NSMCE4A: variants seen among roughly 807,000 people sequenced by gnomAD.
NSMCE4A encodes the protein non-structural maintenance of chromosomes element 4 homolog A.
A neutral mutation model predicts 47.9 loss-of-function variants in NSMCE4A; 40 were observed. That is an observed-to-expected ratio of 0.83 (90% CI 0.65 to 1.09). The LOEUF is 1.09. NSMCE4A is among the 50% of genes least tolerant of loss of function. NSMCE4A has a pLI of 0.00. For synonymous variants in NSMCE4A, 166 were observed against 178.5 expected (o/e 0.93, Z 0.56); for missense variants, 500 against 507.0 (o/e 0.99, Z 0.13).
rs776510617 is a variant in NSMCE4A at position 121,967,701 on chromosome 10, T to G, written c.607A>C (p.Arg203=). 6 of 1,613,910 alleles carry G rather than the reference T, an allele frequency of 3.7e-6. No individual in the cohort carries two copies. Among genetic ancestry groups the G allele is most frequent in the African/African-American group, 1.3e-5 (1 of 74,946 alleles). Residue 203 remains arginine, a synonymous_variant, in exon 4 of 11, where the codon AGA becomes CGA. Coordinates refer to ENST00000369023, the MANE Select transcript of NSMCE4A (RefSeq NM_017615.3). ...TTATTAAAGGTGTTTTCTGCTGTTCTGCCTGTTATCTTCCAGGAGTCATAG... is the reference window on the plus strand; with the variant it reads ...TTATTAAAGGTGTTTTCTGCTGTTCGGCCTGTTATCTTCCAGGAGTCATAG... ...IVYDSWKITG[R]TAENTFNKTH... is the part of the protein sequence containing the mutation.
At position 121,960,480 on chromosome 10, in the gene NSMCE4A, T is replaced by C; in HGVS notation, c.940-74A>G. On this transcript the variant is annotated intron_variant, in intron 7 of 10. Transcript: ENST00000369023. The surrounding 1 kb of genome is among the most constrained non-coding windows in gnomAD (Gnocchi z 4.2). ...ACCTATACGCACTAGATGGAAAAAA[T>C]TACTCAGAAAATTCAGTATCTCAGA... 9.2e-7 allele frequency: 1 copy of C among 1,092,792 alleles called. No individual in the cohort carries two copies. The highest frequency in any genetic ancestry group is 1.3e-6 in the Non-Finnish European group (1 of 775,304). The allele number at this position is 1,092,792 out of a possible 1,614,324, so 67.7% of individuals were successfully genotyped here. A position where few individuals can be genotyped will look rare whatever the true frequency, so the allele number is the denominator to read the frequency against.
intron 6 of NSMCE4A, chr10:121,961,866 G>A (rs1952504999): frequency 4.3e-6 from 1 of 234,186 alleles, no homozygotes; most frequent in East Asian, 1.4e-4. Flanking sequence ...ACTTTGGGAG[G>A]CCGATGCTGG....
chr10:121,971,446 G>A (rs999389932), intron 2 of NSMCE4A, among the ~76,000 whole-genome samples: 1 of 152,148 alleles, frequency 6.6e-6, no homozygotes, highest in African/African-American at 2.4e-5. Context: ...GGCAGAGCTT[G>A]CAGTAAGCCA....
intron 2 of NSMCE4A, among the ~76,000 whole-genome samples, chr10:121,972,043 G>A (rs890667677): frequency 2.6e-5 from 4 of 152,206 alleles, no homozygotes; most frequent in Non-Finnish European, 5.9e-5. Context: ...GAAACAGGCT[G>A]GGCACAGCAG....
Position 121,960,043 on chromosome 10 carries a change from T to A in NSMCE4A, c.988+315A>T, listed in dbSNP as rs2134734193. 1 of 276,762 alleles carries A rather than the reference T, an allele frequency of 3.6e-6. No homozygotes were observed. Among genetic ancestry groups the A allele is most frequent in the Non-Finnish European group, 6.6e-6 (1 of 151,208 alleles). The allele number at this position is 276,762 out of a possible 1,614,324, so 17.1% of individuals were successfully genotyped here. ...TCAAAGAGAAAAGAAGGTGCCGGCA[T>A]CTGACAAAACGTGATTAGAAAGAGG... On this transcript the variant is annotated intron_variant, in intron 8 of 10. Transcript: ENST00000369023. The surrounding 1 kb of genome is among the most constrained non-coding windows in gnomAD (Gnocchi z 4.2).
Position 121,960,954 on chromosome 10 carries a change from T to C in NSMCE4A, c.939+469A>G, listed in dbSNP as rs898678156. Among the ~76,000 whole-genome samples, 13 of 152,208 alleles carry C rather than the reference T, an allele frequency of 8.5e-5. No homozygotes were observed. Among genetic ancestry groups the C allele is most frequent in the African/African-American group, 3.1e-4 (13 of 41,460 alleles). ...GGGCTATAAGACTACTATAAACACG[T>C]GGCATATATCCTTTACCCATATTCA... On this transcript the variant is annotated intron_variant, in intron 7 of 10. Coordinates refer to ENST00000369023, the MANE Select transcript of NSMCE4A (RefSeq NM_017615.3). The surrounding 1 kb of genome is among the most constrained non-coding windows in gnomAD (Gnocchi z 4.2).
intron 3 of NSMCE4A, among the ~76,000 whole-genome samples, chr10:121,968,315 G>A (rs1040133652): frequency 1.3e-5 from 2 of 152,212 alleles, no homozygotes; most frequent in Admixed American, 1.3e-4. Context: ...AGGTATGCCA[G>A]AACTCAGCCC....
intron 5 of NSMCE4A, among the ~76,000 whole-genome samples, chr10:121,963,895 G>A (rs1484574554): frequency 6.6e-6 from 1 of 150,670 alleles, no homozygotes; most frequent in African/African-American, 2.4e-5. Context: ...TCAGGAGTTC[G>A]AGACCAGCCT....
intron 10 of NSMCE4A, among the ~76,000 whole-genome samples, chr10:121,958,366 T>C (rs1212059235): frequency 6.6e-6 from 1 of 150,492 alleles, no homozygotes; most frequent in Non-Finnish European, 1.5e-5. Context: ...CTGTCTGCAC[T>C]ACAAAATGTC....
intron 10 of NSMCE4A, among the ~76,000 whole-genome samples, chr10:121,958,207 G>T (rs1206297892): frequency 2.6e-5 from 4 of 152,102 alleles, no homozygotes; most frequent in Non-Finnish European, 4.4e-5. Flanking sequence ...TAGCCTGGGG[G>T]TGACAGAGCA....
In NSMCE4A at chr10:121,974,873, C is replaced by G. The variant is rs1952788114; in HGVS notation, c.292+1G>C. The G allele has an allele frequency of 6.7e-7, 1 of 1,483,134 alleles. No individual in the cohort carries two copies. Among genetic ancestry groups the G allele is most frequent in the South Asian group, 1.3e-5 (1 of 77,954 alleles). The allele number at this position is 1,483,134 out of a possible 1,614,324, so 91.9% of individuals were successfully genotyped here. ...CGCGCCGCCCGGAGGCGCCGCCTTA[C>G]GTTGGACGGAGTTGATGAGCGCCCG... On this transcript the variant is annotated splice_donor_variant, in intron 1 of 10. Coordinates refer to ENST00000369023, the MANE Select transcript of NSMCE4A (RefSeq NM_017615.3). LOFTEE classifies it high-confidence loss of function.
At chr10:121,969,977 A>T (rs1952676455) in intron 3 of NSMCE4A, among the ~76,000 whole-genome samples, 1 of 152,106 alleles carries the variant, frequency 6.6e-6, no homozygotes. Flanking sequence ...CAGCCTCCCA[A>T]AGTGCTGGGA....
intron 1 of NSMCE4A, chr10:121,974,563 ACGCGGAGTC>A (rs1464834475): frequency 2.0e-6 from 2 of 1,020,876 alleles, no homozygotes; most frequent in Non-Finnish European, 2.3e-6. Flanking sequence ...CAATCAAAGC[ACGCGGAGTC>A]CGCGTCCTGC....
chr10:121,968,857 C>T (rs1952653381), intron 3 of NSMCE4A, among the ~76,000 whole-genome samples: 1 of 152,198 alleles, frequency 6.6e-6, no homozygotes, highest in Admixed American at 6.5e-5. Context: ...ACTACCACTG[C>T]ACCCTTGTAG....
At chr10:121,968,016 C>T (rs920109444) in intron 3 of NSMCE4A, among the ~76,000 whole-genome samples, 9 of 152,162 alleles carry the variant, frequency 5.9e-5, no homozygotes, top group African/African-American at 2.2e-4. Flanking sequence ...GAAAACATTC[C>T]TCAATGTACT....
Position 121,960,248 on chromosome 10 carries a change from G to T in NSMCE4A, c.988+110C>A. 2.7e-6 allele frequency: 2 copies of T among 749,430 alleles called. No homozygotes were observed. Among genetic ancestry groups the T allele is most frequent in the Non-Finnish European group, 4.0e-6 (2 of 505,862 alleles). 46.4% of individuals were successfully genotyped at this position (749,430 alleles called of 1,614,324 possible). A position where few individuals can be genotyped will look rare whatever the true frequency, so the allele number is the denominator to read the frequency against. ...AGGTAGTTGAGCAAGATACAATATT[G>T]TAAAAGTTAATCTACATTGAAAATT... On this transcript the variant is annotated intron_variant, in intron 8 of 10. Coordinates refer to ENST00000369023, the MANE Select transcript of NSMCE4A (RefSeq NM_017615.3). This position sits in a 1 kb window ranked among gnomAD's most constrained non-coding sequence, Gnocchi z 4.2.
intron 7 of NSMCE4A, among the ~76,000 whole-genome samples, chr10:121,961,076 C>A (rs921878517): frequency 6.6e-6 from 1 of 152,078 alleles, no homozygotes; most frequent in African/African-American, 2.4e-5. Context: ...GCTTCTTTTC[C>A]CTAATCTTTC....
chr10:121,960,347 G>C lies in NSMCE4A; in HGVS notation c.988+11C>G. 6.8e-7 allele frequency: 1 copy of C among 1,468,280 alleles called. No individual in the cohort carries two copies. The highest frequency in any genetic ancestry group is 9.0e-7 in the Non-Finnish European group (1 of 1,112,902). 91.0% of individuals were successfully genotyped at this position (1,468,280 alleles called of 1,614,324 possible). Reference sequence around the variant, plus strand: ...TCTAAAACTAATTTTTCCAAACATAGTATCATTTACCTATTACTGGCAGTC... The same window carrying C: ...TCTAAAACTAATTTTTCCAAACATACTATCATTTACCTATTACTGGCAGTC... On this transcript the variant is annotated intron_variant, in intron 8 of 10. Coordinates refer to ENST00000369023, the MANE Select transcript of NSMCE4A (RefSeq NM_017615.3). The surrounding 1 kb of genome is among the most constrained non-coding windows in gnomAD (Gnocchi z 4.2).
chr10:121,964,750 T>C (rs1952574431), intron 5 of NSMCE4A, among the ~76,000 whole-genome samples: 1 of 152,242 alleles, frequency 6.6e-6, no homozygotes, highest in African/African-American at 2.4e-5. Context: ...TCAGTAACAT[T>C]TTCATATCAA....
Sources: gnomAD v4.1 joint callset for allele counts (sites outside exome capture counted in the v4.1 genomes callset) on GRCh38, gnomAD v4.1.1 for gene constraint, Gnocchi (gnomAD v3.1) non-coding constraint, MANE v1.5 for transcripts, NCBI Gene and HGNC (gene_info 2026-07-23, HGNC 2026-07-21) for gene names.